ELMO1: variants seen among roughly 807,000 people sequenced by gnomAD.
The protein encoded by ELMO1 is engulfment and cell motility 1, also known as engulfment and cell motility protein 1.
ELMO1 carries 26 observed loss-of-function variants against 98.9 expected under a neutral mutation model. The observed-to-expected ratio is 0.26, with a 90% CI of 0.19 to 0.36. The LOEUF is 0.36. Ranked by LOEUF, ELMO1 falls within the 10% of genes least tolerant of loss-of-function variation. ELMO1 has a pLI of 1.00. For missense variants in ELMO1, 627 were observed against 935.2 expected, an observed-to-expected ratio of 0.67 and a Z score of 4.30; for synonymous variants, 346 against 346.0, an observed-to-expected ratio of 1.00 and a Z score of 0.00.
chr7:37,432,300 T>C (rs1032353348), intron 1 of ELMO1, among the ~76,000 whole-genome samples: 5 of 152,222 alleles, frequency 3.3e-5, no homozygotes, highest in African/African-American at 1.2e-4. Flanking sequence ...GCTCAGCAAC[T>C]GCCAAGTTCT....
chr7:37,232,956 A>G (rs1372354737), intron 8 of ELMO1, 139 bp downstream of exon 8: 1 of 770,938 alleles, frequency 1.3e-6, no homozygotes, highest in Admixed American at 3.1e-5. Flanking sequence ...CCCCACATAC[A>G]TAATATTATA....
In ELMO1 at chr7:37,135,872, G is replaced by T. The variant is rs142782461; in HGVS notation, c.1087-2638C>A. The stretch of plus-strand genomic sequence containing the variant: ...CTAACCAGCAATGGATCCAAACCAA[G>T]ATTAAATATCTGAATTGCCAGAGTA... On this transcript the variant is annotated intron_variant, in intron 13 of 21. Transcript: ENST00000310758. 4.4e-3 allele frequency among the ~76,000 whole-genome samples: 666 copies of T among 152,258 alleles called. 2 individuals carry two copies. Among genetic ancestry groups the T allele is most frequent in the Non-Finnish European group, 7.6e-3 (518 of 68,010 alleles).
At chr7:37,108,115 T>C (rs191607688) in intron 14 of ELMO1, among the ~76,000 whole-genome samples, 1 of 152,324 alleles carries the variant, frequency 6.6e-6, no homozygotes, top group African/African-American at 2.4e-5. Flanking sequence ...TTGTTTTACT[T>C]GAGGTTAAAA....
rs192747253 is a variant in ELMO1 at position 36,937,180 on chromosome 7, T to A, written c.1438-42163A>T. On this transcript the variant is annotated intron_variant, in intron 16 of 21. Coordinates refer to ENST00000310758, the MANE Select transcript of ELMO1 (RefSeq NM_014800.11). Reference sequence around the variant, plus strand: ...ACACCAGTACCTCAGAATGTGACACTATTTGGAAACAGTGCCATTGCAGAT... The same window carrying A: ...ACACCAGTACCTCAGAATGTGACACAATTTGGAAACAGTGCCATTGCAGAT... Among the ~76,000 whole-genome samples the A allele has an allele frequency of 2.6e-5, 4 of 152,348 alleles. No individual in the cohort carries two copies. In the East Asian group the frequency reaches 7.7e-4, roughly 29 times the overall value.
chr7:37,127,711 C>T (rs1252476347), intron 14 of ELMO1, among the ~76,000 whole-genome samples: 2 of 152,148 alleles, frequency 1.3e-5, no homozygotes, highest in African/African-American at 2.4e-5. Flanking sequence ...TAGTCATAGC[C>T]TTTTTCTTAA....
At chr7:37,390,226 G>C (rs112248055) in intron 1 of ELMO1, among the ~76,000 whole-genome samples, 6 of 152,346 alleles carry the variant, frequency 3.9e-5, no homozygotes, top group African/African-American at 1.4e-4. Flanking sequence ...TGAGCATAAA[G>C]TCAGCCCCTT....
intron 14 of ELMO1, among the ~76,000 whole-genome samples, chr7:37,122,115 C>G (rs976332996): frequency 6.6e-6 from 1 of 152,112 alleles, no homozygotes; most frequent in African/African-American, 2.4e-5. Flanking sequence ...AAGGCCTGCC[C>G]TAAAAGAGCT....
intron 4 of ELMO1, among the ~76,000 whole-genome samples, chr7:37,289,306 C>T (rs1446826972): frequency 2.0e-5 from 3 of 152,202 alleles, no homozygotes; most frequent in African/African-American, 7.2e-5. Flanking sequence ...CTATAACCTT[C>T]AGTCAACGAG....
intron 16 of ELMO1, among the ~76,000 whole-genome samples, chr7:36,952,817 G>A (rs148625196): frequency 1.1e-3 from 171 of 152,228 alleles, no homozygotes; most frequent in African/African-American, 3.7e-3. Flanking sequence ...GAGAGCAGAG[G>A]AGGAAGAGAG....
intron 4 of ELMO1, among the ~76,000 whole-genome samples, chr7:37,308,089 C>T (rs1798705876): frequency 6.6e-6 from 1 of 151,930 alleles, no homozygotes; most frequent in Admixed American, 6.6e-5. Context: ...CTCCAGCCTG[C>T]CCGACAGAGC....
chr7:36,982,866 T>C (rs1331371595), intron 16 of ELMO1, among the ~76,000 whole-genome samples: 1 of 152,156 alleles, frequency 6.6e-6, no homozygotes, highest in Non-Finnish European at 1.5e-5. Flanking sequence ...AGTGGAGGAT[T>C]CACACACCCA....
intron 13 of ELMO1, among the ~76,000 whole-genome samples, chr7:37,133,737 C>T (rs1417046082): frequency 1.3e-5 from 2 of 152,268 alleles, no homozygotes; most frequent in Non-Finnish European, 2.9e-5. Flanking sequence ...CAGGGCTACA[C>T]AGTCCACAGG....
intron 21 of ELMO1, among the ~76,000 whole-genome samples, chr7:36,857,509 C>A (rs954921002): frequency 2.6e-5 from 4 of 152,142 alleles, no homozygotes; most frequent in Non-Finnish European, 4.4e-5. Context: ...CCTTCCCAGG[C>A]CTGGCTAGCT....
intron 2 of ELMO1, among the ~76,000 whole-genome samples, chr7:37,333,275 G>A (rs1214908585): frequency 6.6e-6 from 1 of 152,176 alleles, no homozygotes; most frequent in African/African-American, 2.4e-5. Context: ...CAATTAACCT[G>A]TTGACCTAAC....
At chr7:37,034,109 T>C (rs902525190) in intron 15 of ELMO1, among the ~76,000 whole-genome samples, 1 of 152,166 alleles carries the variant, frequency 6.6e-6, no homozygotes, top group African/African-American at 2.4e-5. Context: ...ATGAGTTAAA[T>C]TGTGACCTTC....
At chr7:36,931,208 C>T (rs1328198059) in intron 16 of ELMO1, among the ~76,000 whole-genome samples, 1 of 152,212 alleles carries the variant, frequency 6.6e-6, no homozygotes, top group East Asian at 1.9e-4. Flanking sequence ...GAGTCAATCT[C>T]CCAGGACCAG....
chr7:36,991,509 T>C (rs868569867), intron 16 of ELMO1, among the ~76,000 whole-genome samples: 11 of 152,226 alleles, frequency 7.2e-5, no homozygotes. Context: ...CTAATCATTT[T>C]ACATGGTGCA....
At chr7:36,914,615 G>A (rs1194746922) in intron 16 of ELMO1, among the ~76,000 whole-genome samples, 2 of 151,716 alleles carry the variant, frequency 1.3e-5, no homozygotes, top group Non-Finnish European at 1.5e-5. Context: ...CCGTGTTCAA[G>A]TGATTCTTCT....
At chr7:37,305,997 G>A (rs1382334692) in intron 4 of ELMO1, among the ~76,000 whole-genome samples, 1 of 152,148 alleles carries the variant, frequency 6.6e-6, no homozygotes, top group African/African-American at 2.4e-5. Flanking sequence ...ATTAAGAGAC[G>A]AATCTCCAAA....
Sources: allele counts gnomAD v4.1 joint callset (sites outside exome capture counted in the v4.1 genomes callset), GRCh38; gene constraint gnomAD v4.1.1; transcripts MANE v1.5; gene names NCBI Gene and HGNC (gene_info 2026-07-23, HGNC 2026-07-21).